The following SLC35F4 variants were observed in gnomAD, a reference collection of about 807,000 sequenced individuals.
The protein encoded by SLC35F4 is chromosome 14 open reading frame 36.
A neutral mutation model predicts 44.2 loss-of-function variants in SLC35F4; 24 were observed. The ratio of observed to expected loss-of-function variants is 0.54; its 90% CI spans 0.39 to 0.76. The LOEUF (loss-of-function observed/expected upper bound fraction) is 0.76, where lower values mean the gene tolerates loss of function less well. Among genes scored for constraint, SLC35F4 ranks in the 30% least tolerant of loss-of-function variants. SLC35F4 has a pLI of 0.00. For missense variants in SLC35F4, 562 were observed against 586.1 expected, an observed-to-expected ratio of 0.96 and a Z score of 0.42; for synonymous variants, 238 against 223.6, an observed-to-expected ratio of 1.06 and a Z score of -0.57.
chr14:57,935,755 T>C (rs1423995239), intron 1 of SLC35F4, among the ~76,000 whole-genome samples: 3 of 152,254 alleles, frequency 2.0e-5, no homozygotes, highest in African/African-American at 7.2e-5. Flanking sequence ...ATAAACCAAC[T>C]GGACAAGTTC....
rs539966821 is a variant in SLC35F4, at chr14:57,710,576, T to C, written c.104-116452A>G. 2.6e-5 allele frequency among the ~76,000 whole-genome samples: 4 copies of C among 152,144 alleles called. No homozygotes were observed. The South Asian group carries it at 8.3e-4, about 32-fold the overall frequency. ...AAAGCCACAGATACTCAAAGCAGTCTATAAAAGCAACCAGGATGGGGGCTG... is the reference window on the plus strand; with the variant it reads ...AAAGCCACAGATACTCAAAGCAGTCCATAAAAGCAACCAGGATGGGGGCTG... On this transcript the variant is annotated intron_variant, in intron 1 of 7. Transcript: ENST00000556826.
chr14:57,627,225 G>T (rs1241775424), intron 1 of SLC35F4, among the ~76,000 whole-genome samples: 2 of 152,042 alleles, frequency 1.3e-5, no homozygotes, highest in Non-Finnish European at 2.9e-5. Context: ...TCATTATTTG[G>T]GATGCAAGTA....
chr14:57,969,207 T>A (rs761413587), intron 1 of SLC35F4, among the ~76,000 whole-genome samples: 122 of 152,162 alleles, frequency 8.0e-4, no homozygotes, highest in Admixed American at 1.7e-3. Context: ...CATATTATGC[T>A]TAATCAAAGA....
At chr14:57,681,038 A>G (rs988161992) in intron 1 of SLC35F4, among the ~76,000 whole-genome samples, 1 of 134,308 alleles carries the variant, frequency 7.4e-6, no homozygotes, top group Non-Finnish European at 1.6e-5. Context: ...TTTGATGTGG[A>G]ATCAAAAAAG....
At chr14:57,932,225 C>T (rs1202820444) in intron 1 of SLC35F4, among the ~76,000 whole-genome samples, 1 of 152,088 alleles carries the variant, frequency 6.6e-6, no homozygotes, top group Admixed American at 6.6e-5. Context: ...TAAAGCTTTC[C>T]ACAGTTTTTA....
chr14:57,587,177 G>A (rs141176759), intron 3 of SLC35F4, among the ~76,000 whole-genome samples: 95 of 152,320 alleles, frequency 6.2e-4, no homozygotes, highest in African/African-American at 2.0e-3. Flanking sequence ...GTTGGTGGGC[G>A]TGTAAATTAG....
intron 1 of SLC35F4, among the ~76,000 whole-genome samples, chr14:57,723,006 A>T (rs945392390): frequency 2.6e-5 from 4 of 152,146 alleles, no homozygotes; most frequent in African/African-American, 7.2e-5. Flanking sequence ...CCAACCTTTT[A>T]CCAGGGTAAC....
intron 1 of SLC35F4, among the ~76,000 whole-genome samples, chr14:57,803,191 T>A (rs115764887): frequency 0.01 from 1,585 of 152,144 alleles, 28 homozygotes; most frequent in African/African-American, 0.036. Context: ...TAAACATAAC[T>A]AAAGGCAAAA....
chr14:57,600,373 AT>A (rs1351496647), intron 1 of SLC35F4, among the ~76,000 whole-genome samples: 1 of 152,096 alleles, frequency 6.6e-6, no homozygotes, highest in Admixed American at 6.6e-5. Context: ...TTAATCTGTC[AT>A]TTTTTCTTAC....
chr14:57,690,024 T>G (rs1269391004), intron 1 of SLC35F4, among the ~76,000 whole-genome samples: 2 of 152,198 alleles, frequency 1.3e-5, no homozygotes, highest in African/African-American at 4.8e-5. Flanking sequence ...TCTAAATCTT[T>G]GCACACTCTC....
chr14:57,643,760 CT>C (rs1355219607), intron 1 of SLC35F4, among the ~76,000 whole-genome samples: 1 of 152,118 alleles, frequency 6.6e-6, no homozygotes, highest in Non-Finnish European at 1.5e-5. Context: ...AATACTATCC[CT>C]CCCCCCTTCC....
intron 1 of SLC35F4, among the ~76,000 whole-genome samples, chr14:57,952,632 A>G (rs1216580495): frequency 3.3e-5 from 5 of 151,952 alleles, no homozygotes; most frequent in African/African-American, 9.7e-5. Context: ...CAAAAACTTC[A>G]TGAAGTACAC....
intron 1 of SLC35F4, among the ~76,000 whole-genome samples, chr14:57,722,543 A>G (rs1408464022): frequency 1.3e-5 from 2 of 152,186 alleles, no homozygotes; most frequent in Admixed American, 1.3e-4. Flanking sequence ...AGCTGCAGTC[A>G]CTCAACTACA....
intron 1 of SLC35F4, among the ~76,000 whole-genome samples, chr14:57,917,360 T>C (rs1434826906): frequency 6.6e-6 from 1 of 152,084 alleles, no homozygotes; most frequent in Admixed American, 6.6e-5. Flanking sequence ...CACCCAGCCC[T>C]CTCTGCTTAC....
At chr14:57,639,775 A>G (rs1385401351) in intron 1 of SLC35F4, among the ~76,000 whole-genome samples, 1 of 152,032 alleles carries the variant, frequency 6.6e-6, no homozygotes, top group African/African-American at 2.4e-5. Flanking sequence ...GTCTACTAGT[A>G]TATCTAACTA....
At chr14:57,658,292 T>C (rs951060522) in intron 1 of SLC35F4, among the ~76,000 whole-genome samples, 1 of 152,222 alleles carries the variant, frequency 6.6e-6, no homozygotes, top group African/African-American at 2.4e-5. Flanking sequence ...TTTTTCATAA[T>C]ACTTTATTAA....
At chr14:57,651,242 T>C (rs1477291197) in intron 1 of SLC35F4, among the ~76,000 whole-genome samples, 1 of 152,194 alleles carries the variant, frequency 6.6e-6, no homozygotes, top group Admixed American at 6.5e-5. Context: ...ACAAATGCTC[T>C]GACTGGACTA....
chr14:57,874,579 T>C (rs962045091), intron 1 of SLC35F4, among the ~76,000 whole-genome samples: 29 of 152,282 alleles, frequency 1.9e-4, no homozygotes, highest in Admixed American at 1.8e-3. Context: ...AAACAGATGG[T>C]TCAGAGGCCC....
chr14:57,587,024 C>A (rs1451343806), intron 3 of SLC35F4, among the ~76,000 whole-genome samples: 1 of 151,992 alleles, frequency 6.6e-6, no homozygotes. Context: ...TGAAAAAAAG[C>A]TCATCATCAC....
Sources: allele counts gnomAD v4.1 joint callset (sites outside exome capture counted in the v4.1 genomes callset), GRCh38; gene constraint gnomAD v4.1.1; transcripts MANE v1.5; gene names NCBI Gene and HGNC (gene_info 2026-07-23, HGNC 2026-07-21).